The following TENM3 variants were observed in gnomAD, a reference collection of about 807,000 sequenced individuals.
TENM3 encodes the protein teneurin transmembrane protein 3.
Under a neutral mutation model 255.1 loss-of-function variants are expected in TENM3, and 63 were observed. The observed-to-expected ratio is 0.25, with a 90% CI of 0.20 to 0.30. The LOEUF (loss-of-function observed/expected upper bound fraction) is 0.30. TENM3 is among the 10% of genes least tolerant of loss of function. The probability of loss-of-function intolerance (pLI) is 1.00; values close to 1 mark genes in which losing one functional copy is unlikely to be tolerated. For missense variants in TENM3, 2,929 were observed against 3,461.1 expected, an observed-to-expected ratio of 0.85 and a Z score of 3.86; for synonymous variants, 1,306 against 1,322.3, an observed-to-expected ratio of 0.99 and a Z score of 0.27.
intron 1 of TENM3, among the ~76,000 whole-genome samples, chr4:182,243,751 A>G (rs1381875090): frequency 2.0e-5 from 3 of 152,136 alleles, no homozygotes; most frequent in Non-Finnish European, 4.4e-5. Flanking sequence ...TCCTTGTTTT[A>G]TAAGTAAAAT....
chr4:181,912,896 G>A, the TENM3 span, among the ~76,000 whole-genome samples: 13 of 152,208 alleles, frequency 8.5e-5, no homozygotes, highest in East Asian at 1.7e-3. Context: ...GCAAGGAAAC[G>A]TGAGTTTGAA....
At chr4:182,777,978 GAC>G (rs1401289316) in intron 24 of TENM3, among the ~76,000 whole-genome samples, 1 of 151,918 alleles carries the variant, frequency 6.6e-6, no homozygotes, top group East Asian at 1.9e-4. Flanking sequence ...GGACAGGCTG[GAC>G]ACAGCAGAAA....
intron 1 of TENM3, among the ~76,000 whole-genome samples, chr4:182,155,273 T>A (rs1433037365): frequency 6.6e-6 from 1 of 152,152 alleles, no homozygotes; most frequent in Admixed American, 6.5e-5. Context: ...AGTAGTAAAG[T>A]TCACTATAAA....
At chr4:182,238,715 T>C (rs1223634568), upstream of TENM3, among the ~76,000 whole-genome samples, 2 of 152,226 alleles carry the variant, frequency 1.3e-5, no homozygotes, top group African/African-American at 2.4e-5. Flanking sequence ...GCCTACGGAC[T>C]GAATCATCTT....
intron 3 of TENM3, among the ~76,000 whole-genome samples, chr4:182,465,385 T>C (rs1378672925): frequency 6.6e-6 from 1 of 152,102 alleles, no homozygotes; most frequent in Non-Finnish European, 1.5e-5. Flanking sequence ...TTGCCCCGGC[T>C]GCTGTGTGGA....
chr4:181,995,811 A>G, the TENM3 span, among the ~76,000 whole-genome samples: 1 of 152,158 alleles, frequency 6.6e-6, no homozygotes, highest in Non-Finnish European at 1.5e-5. Flanking sequence ...TCAGGATCCA[A>G]AACCAGATCC....
At chr4:182,449,636 C>G (rs1011461155) in intron 3 of TENM3, among the ~76,000 whole-genome samples, 1 of 152,080 alleles carries the variant, frequency 6.6e-6, no homozygotes, top group Non-Finnish European at 1.5e-5. Context: ...AATTAATAAG[C>G]CCTTTGGTTC....
At chr4:182,619,680 G>C (rs1749913929) in intron 4 of TENM3, among the ~76,000 whole-genome samples, 1 of 152,174 alleles carries the variant, frequency 6.6e-6, no homozygotes, top group Non-Finnish European at 1.5e-5. Context: ...CAAGATTCCA[G>C]AGCCACAAAG....
At chr4:182,653,960 C>G in intron 6 of TENM3, 67 bp downstream of exon 6, 1 of 1,463,720 alleles carries the variant, frequency 6.8e-7, no homozygotes, top group Non-Finnish European at 9.2e-7. Context: ...TTTATTTTTA[C>G]CCATGCTTAC....
intron 19 of TENM3, among the ~76,000 whole-genome samples, chr4:182,746,828 G>A (rs546075609): frequency 1.3e-5 from 2 of 152,298 alleles, no homozygotes; most frequent in Non-Finnish European, 2.9e-5. Context: ...GGAAGATGTA[G>A]AGAATGTGTA....
intron 12 of TENM3, among the ~76,000 whole-genome samples, chr4:182,706,259 T>C (rs1758274952): frequency 6.6e-6 from 1 of 152,212 alleles, no homozygotes; most frequent in Non-Finnish European, 1.5e-5. Context: ...TGCTAGCATT[T>C]TGATCTTAGG....
intron 3 of TENM3, among the ~76,000 whole-genome samples, chr4:182,510,329 C>T (rs62337218): frequency 0.021 from 3,221 of 152,280 alleles, 36 homozygotes; most frequent in Middle Eastern, 0.041. Flanking sequence ...TCTAGCTCGC[C>T]TCTAGCCCTC....
chr4:182,107,623 T>G, the TENM3 span, among the ~76,000 whole-genome samples: 157 of 152,322 alleles, frequency 1.0e-3, no homozygotes, highest in African/African-American at 3.8e-3. Flanking sequence ...GAAGGATGAA[T>G]CTGTCCACGA....
the TENM3 span, among the ~76,000 whole-genome samples, chr4:181,680,420 G>A: frequency 4.6e-5 from 7 of 151,984 alleles, no homozygotes; most frequent in African/African-American, 1.7e-4. Context: ...GATTTGATTG[G>A]ATCTATAAAT....
the TENM3 span, among the ~76,000 whole-genome samples, chr4:181,600,530 A>G: frequency 1.3e-5 from 2 of 152,006 alleles, no homozygotes; most frequent in African/African-American, 4.8e-5. Flanking sequence ...CACTTTCCCT[A>G]GCTCCTTGCA....
At chr4:182,396,544 A>G (rs1768824478) in intron 3 of TENM3, among the ~76,000 whole-genome samples, 1 of 152,190 alleles carries the variant, frequency 6.6e-6, no homozygotes, top group South Asian at 2.1e-4. Flanking sequence ...CTTCATTGAC[A>G]TGTTATAAAT....
At chr4:181,795,889 C>G in the TENM3 span, among the ~76,000 whole-genome samples, 1 of 152,100 alleles carries the variant, frequency 6.6e-6, no homozygotes, top group South Asian at 2.1e-4. Context: ...ATAGATGTCT[C>G]TGGTACCTAG....
chr4:182,065,488 G>T, the TENM3 span, among the ~76,000 whole-genome samples: 2 of 152,358 alleles, frequency 1.3e-5, no homozygotes, highest in East Asian at 3.9e-4. Context: ...AGGAGGAAGA[G>T]AGCAAAGATA....
At chr4:181,895,296 T>G in the TENM3 span, among the ~76,000 whole-genome samples, 1 of 152,004 alleles carries the variant, frequency 6.6e-6, no homozygotes, top group Non-Finnish European at 1.5e-5. Flanking sequence ...TTTCGCAAAT[T>G]TAAACATCTG....
Sources: allele counts gnomAD v4.1 joint callset (sites outside exome capture counted in the v4.1 genomes callset), GRCh38; gene constraint gnomAD v4.1.1; transcripts MANE v1.5; gene names NCBI Gene and HGNC (gene_info 2026-07-23, HGNC 2026-07-21).